The following KCNH1 variants were observed in gnomAD, a reference collection of about 807,000 sequenced individuals.
KCNH1 encodes the protein voltage-gated delayed rectifier potassium channel KCNH1.
A neutral mutation model predicts 69.2 loss-of-function variants in KCNH1; 27 were observed. The observed-to-expected ratio is 0.39, with a 90% CI of 0.29 to 0.54. The LOEUF is 0.54. Ranked by LOEUF, KCNH1 falls within the 20% of genes least tolerant of loss-of-function variation. KCNH1 has a pLI of 0.68. For synonymous variants in KCNH1, 456 were observed against 487.7 expected (o/e 0.93, Z 0.86); for missense variants, 798 against 1,261.6 (o/e 0.63, Z 5.57).
chr1:210,954,036 A>G (rs567206380), intron 6 of KCNH1, among the ~76,000 whole-genome samples: 2 of 151,982 alleles, frequency 1.3e-5, no homozygotes, highest in African/African-American at 2.4e-5. Context: ...TCCAAATGCT[A>G]TCTCTCCCCC....
intron 2 of KCNH1, 150 bp downstream of exon 2, chr1:211,107,104 G>A (rs532841433): frequency 3.7e-6 from 3 of 808,292 alleles, no homozygotes; most frequent in Non-Finnish European, 4.0e-6. Context: ...TCCCTGTACA[G>A]TACATGAACT....
At chr1:211,131,400 G>T (rs1026768240) in intron 1 of KCNH1, among the ~76,000 whole-genome samples, 3 of 152,150 alleles carry the variant, frequency 2.0e-5, no homozygotes, top group Non-Finnish European at 4.4e-5. Context: ...ACCAGCCTCA[G>T]GCATTGTTTG....
intron 7 of KCNH1, among the ~76,000 whole-genome samples, chr1:210,869,757 G>A (rs1367327851): frequency 6.6e-6 from 1 of 151,998 alleles, no homozygotes; most frequent in African/African-American, 2.4e-5. Flanking sequence ...ATTTTGGAAT[G>A]CCCTCAATAT....
At chr1:210,795,123 GTTT>G (rs1374730946) in intron 9 of KCNH1, among the ~76,000 whole-genome samples, 5 of 130,910 alleles carry the variant, frequency 3.8e-5, no homozygotes, top group Non-Finnish European at 5.5e-5. Context: ...CTTTTTGCTT[GTTT>G]TTGTTGTTGT....
chr1:210,897,752 A>G (rs1187182157), intron 7 of KCNH1, among the ~76,000 whole-genome samples: 1 of 152,152 alleles, frequency 6.6e-6, no homozygotes, highest in Admixed American at 6.5e-5. Context: ...AAGAGTGAAA[A>G]GCAAAACCAA....
At chr1:211,089,622 C>A (rs1232096076) in intron 4 of KCNH1, among the ~76,000 whole-genome samples, 2 of 152,178 alleles carry the variant, frequency 1.3e-5, no homozygotes, top group Non-Finnish European at 2.9e-5. Context: ...AATTTTGTCA[C>A]ACCAAAAATA....
chr1:210,809,772 TC>T (rs1379685591), intron 7 of KCNH1, among the ~76,000 whole-genome samples: 1 of 151,878 alleles, frequency 6.6e-6, no homozygotes, highest in Non-Finnish European at 1.5e-5. Flanking sequence ...AGTGGTGGAG[TC>T]TTTCAAACGG....
At chr1:210,716,842 G>A (rs879310321) in intron 10 of KCNH1, among the ~76,000 whole-genome samples, 2 of 152,174 alleles carry the variant, frequency 1.3e-5, no homozygotes, top group Admixed American at 6.5e-5. Flanking sequence ...ATAATCACGA[G>A]TTGCTATGAT....
intron 7 of KCNH1, among the ~76,000 whole-genome samples, chr1:210,888,768 C>A (rs369550083): frequency 7.9e-5 from 12 of 151,924 alleles, no homozygotes; most frequent in Admixed American, 7.9e-4. Context: ...TCAGAGAATA[C>A]TATAAACGCC....
chr1:210,906,628 T>G (rs1687107660), intron 7 of KCNH1, among the ~76,000 whole-genome samples: 1 of 152,208 alleles, frequency 6.6e-6, no homozygotes, highest in Admixed American at 6.5e-5. Flanking sequence ...AAAAACAGAA[T>G]GTCCAAATGG....
intron 10 of KCNH1, among the ~76,000 whole-genome samples, chr1:210,702,376 A>T (rs547385186): frequency 3.3e-5 from 5 of 151,898 alleles, no homozygotes; most frequent in African/African-American, 7.3e-5. Context: ...TTGATGTTTT[A>T]ATTTTATTAC....
At position 211,046,964 on chromosome 1, in the gene KCNH1, CA is replaced by C. The variant is rs1044739405; in HGVS notation, c.559-27709del. Among the ~76,000 whole-genome samples the C allele has an allele frequency of 5.6e-4, 85 of 151,300 alleles. 1 individual carries two copies. The highest frequency in any genetic ancestry group is 1.9e-3 in the African/African-American group (79 of 41,270). On this transcript the variant is annotated intron_variant, in intron 5 of 10. Transcript: ENST00000271751. ...TGAGTCTTATATGATTTAGCAGCCACAAAAAAAAGTAAAAGAAAACAAGTAA... is the reference window on the plus strand; with the variant it reads ...TGAGTCTTATATGATTTAGCAGCCACAAAAAAAGTAAAAGAAAACAAGTAA...
intron 5 of KCNH1, among the ~76,000 whole-genome samples, chr1:211,025,924 A>G (rs189158220): frequency 6.6e-6 from 1 of 152,136 alleles, no homozygotes; most frequent in East Asian, 1.9e-4. Flanking sequence ...CATTCTTGCC[A>G]CCTGTATCTT....
chr1:210,769,688 T>C (rs192675762), intron 10 of KCNH1, among the ~76,000 whole-genome samples: 1 of 152,370 alleles, frequency 6.6e-6, no homozygotes, highest in African/African-American at 2.4e-5. Context: ...TTGTCTGCAG[T>C]ACATCATTTA....
At chr1:211,086,135 G>A (rs74156895) in intron 4 of KCNH1, among the ~76,000 whole-genome samples, 2,362 of 152,236 alleles carry the variant, frequency 0.016, 63 homozygotes, top group African/African-American at 0.054. Context: ...CTAGCACGAG[G>A]CTAGGCACCC....
intron 6 of KCNH1, among the ~76,000 whole-genome samples, chr1:210,978,665 C>T (rs935362855): frequency 6.6e-6 from 1 of 152,086 alleles, no homozygotes. Context: ...TTATGATATC[C>T]CTGTTGAGTT....
At chr1:210,905,778 T>C (rs563999883) in intron 7 of KCNH1, among the ~76,000 whole-genome samples, 1 of 152,264 alleles carries the variant, frequency 6.6e-6, no homozygotes, top group South Asian at 2.1e-4. Flanking sequence ...TTTCTTCCTG[T>C]CAGTAACTGT....
At chr1:211,089,995 G>A (rs74156899) in intron 4 of KCNH1, among the ~76,000 whole-genome samples, 2,885 of 152,270 alleles carry the variant, frequency 0.019, 101 homozygotes, top group African/African-American at 0.066. Context: ...TGGCTGAGGC[G>A]AGTGCTAAAA....
intron 5 of KCNH1, among the ~76,000 whole-genome samples, chr1:211,065,864 A>G (rs1378726909): frequency 6.6e-6 from 1 of 152,114 alleles, no homozygotes; most frequent in African/African-American, 2.4e-5. Flanking sequence ...GTTTGAGACC[A>G]GCCTGGACAA....
Sources: allele counts gnomAD v4.1 joint callset (sites outside exome capture counted in the v4.1 genomes callset), GRCh38; gene constraint gnomAD v4.1.1; transcripts MANE v1.5; gene names NCBI Gene and HGNC (gene_info 2026-07-23, HGNC 2026-07-21).